Variants in CCDC191 observed in about 807,000 individuals in gnomAD.
CCDC191 encodes coiled-coil domain-containing protein 191.
In CCDC191, 99 loss-of-function variants were observed where a neutral mutation model predicts 114.0. That is an observed-to-expected ratio of 0.87 (90% CI 0.74 to 1.03). The LOEUF (loss-of-function observed/expected upper bound fraction) is 1.03. Among genes scored for constraint, CCDC191 ranks in the 50% least tolerant of loss-of-function variants. The pLI, the probability that CCDC191 is intolerant of heterozygous loss-of-function variation, is 0.00. For synonymous variants in CCDC191, 351 were observed against 376.0 expected, an observed-to-expected ratio of 0.93 and a Z score of 0.77; for missense variants, 973 against 1,087.0, an observed-to-expected ratio of 0.90 and a Z score of 1.47.
chr3:113,964,921 C>A lies in CCDC191; in HGVS notation c.*234G>T, dbSNP rs1310096791. ...AATATATAGGATATATTTGAACAGA[C>A]GATCTCTAGAATGTTCCTTTGGATG... On this transcript the variant is annotated 3_prime_UTR_variant, in exon 17 of 17. Coordinates refer to ENST00000295878, the MANE Select transcript of CCDC191 (RefSeq NM_020817.2). 5.8e-6 allele frequency: 2 copies of A among 343,632 alleles called. No homozygotes were observed. The highest frequency in any genetic ancestry group is 9.0e-5 in the East Asian group (2 of 22,292). The allele number at this position is 343,632 out of a possible 1,614,324, so 21.3% of individuals were successfully genotyped here. A position where few individuals can be genotyped will look rare whatever the true frequency, so the allele number is the denominator to read the frequency against.
intron 7 of CCDC191, among the ~76,000 whole-genome samples, chr3:114,024,149 A>G (rs1328037193): frequency 2.6e-5 from 4 of 152,204 alleles, no homozygotes; most frequent in Admixed American, 6.5e-5. Flanking sequence ...ACCACAATGA[A>G]GTACCATCTC....
intron 13 of CCDC191, among the ~76,000 whole-genome samples, chr3:113,997,793 T>C (rs2075762699): frequency 6.6e-6 from 1 of 152,234 alleles, no homozygotes; most frequent in Non-Finnish European, 1.5e-5. Context: ...TATGAGGTTA[T>C]AATGGAGCTG....
chr3:114,023,603 G>A (rs2076275288), intron 7 of CCDC191, among the ~76,000 whole-genome samples: 2 of 152,174 alleles, frequency 1.3e-5, no homozygotes, highest in South Asian at 4.1e-4. Context: ...CAAGCAATGG[G>A]GAAAGGATTC....
At chr3:114,015,457 A>G (rs12487862) in intron 8 of CCDC191, among the ~76,000 whole-genome samples, 17,332 of 152,236 alleles carry the variant, frequency 0.11, 1,199 homozygotes, top group Admixed American at 0.19. Context: ...ATTCACTTAC[A>G]TGAGTAAGTT....
At chr3:114,007,950 A>C (rs1417310047) in intron 9 of CCDC191, among the ~76,000 whole-genome samples, 1 of 150,800 alleles carries the variant, frequency 6.6e-6, no homozygotes, top group Non-Finnish European at 1.5e-5. Flanking sequence ...ATTTTTAACA[A>C]TACTGTCCTT....
At chr3:114,002,426 T>C (rs766807377) in intron 12 of CCDC191, 30 bp downstream of exon 12, 1 of 1,481,134 alleles carries the variant, frequency 6.8e-7, no homozygotes, top group African/African-American at 1.4e-5. Context: ...TCCTTCTTTT[T>C]TGACTCAGTT....
intron 13 of CCDC191, among the ~76,000 whole-genome samples, chr3:113,992,937 C>T (rs1217068661): frequency 6.6e-6 from 1 of 152,120 alleles, no homozygotes; most frequent in Non-Finnish European, 1.5e-5. Context: ...TTCAAGAGCA[C>T]ATTCAAAGGA....
chr3:114,034,416 T>C (rs1409310105), intron 6 of CCDC191, among the ~76,000 whole-genome samples: 2 of 152,184 alleles, frequency 1.3e-5, no homozygotes, highest in Non-Finnish European at 2.9e-5. Flanking sequence ...ACAACCCATT[T>C]TGAAAGCAAT....
chr3:113,995,404 T>C (rs1231351267), intron 13 of CCDC191, among the ~76,000 whole-genome samples: 1 of 152,156 alleles, frequency 6.6e-6, no homozygotes, highest in African/African-American at 2.4e-5. Context: ...CATAGCACTG[T>C]ACATTACCAA....
chr3:114,056,200 G>A (rs2076776520), intron 1 of CCDC191, among the ~76,000 whole-genome samples, 177 bp downstream of exon 1: 1 of 152,086 alleles, frequency 6.6e-6, no homozygotes, highest in Non-Finnish European at 1.5e-5. Context: ...AATGTGCCCA[G>A]ACCCCAGAGC....
intron 8 of CCDC191, among the ~76,000 whole-genome samples, chr3:114,013,106 C>T (rs767638602): frequency 4.6e-5 from 7 of 151,712 alleles, no homozygotes; most frequent in Non-Finnish European, 8.8e-5. Context: ...ATTAGCTGGG[C>T]GTGGTGGTGA....
At chr3:113,978,822 GAGATGTATTTA>G (rs771444874) in intron 15 of CCDC191, 25 bp downstream of exon 15, 3 of 1,588,018 alleles carry the variant, frequency 1.9e-6, no homozygotes, top group Non-Finnish European at 1.7e-6. Flanking sequence ...ATTGAGCAAT[GAGATGTATTTA>G]AGGTACCCTT....
At chr3:113,990,750 C>A (rs1398288648) in intron 13 of CCDC191, among the ~76,000 whole-genome samples, 1 of 151,514 alleles carries the variant, frequency 6.6e-6, no homozygotes, top group Non-Finnish European at 1.5e-5. Flanking sequence ...ATACTTCCCC[C>A]ATTTTATGAG....
intron 7 of CCDC191, among the ~76,000 whole-genome samples, chr3:114,027,836 T>C (rs1473032442): frequency 6.6e-6 from 1 of 152,148 alleles, no homozygotes; most frequent in East Asian, 1.9e-4. Context: ...CATTTTCCTG[T>C]TTTCATCCTG....
intron 14 of CCDC191, 75 bp downstream of exon 14, chr3:113,980,575 C>G: frequency 7.3e-7 from 1 of 1,375,568 alleles, no homozygotes; most frequent in South Asian, 1.6e-5. Context: ...TACCCTCCCC[C>G]AAGCTTAACT....
chr3:113,983,352 ACC>A, intron 13 of CCDC191, among the ~76,000 whole-genome samples: 1 of 152,108 alleles, frequency 6.6e-6, no homozygotes, highest in African/African-American at 2.4e-5. Context: ...CTACTTCCAG[ACC>A]ATTATAAACA....
intron 6 of CCDC191, among the ~76,000 whole-genome samples, chr3:114,032,186 T>C (rs2076415640): frequency 6.6e-6 from 1 of 152,130 alleles, no homozygotes; most frequent in African/African-American, 2.4e-5. Context: ...AGGCCTCTTA[T>C]AAGGTTACTA....
At chr3:114,040,857 G>A (rs1482509419) in intron 4 of CCDC191, among the ~76,000 whole-genome samples, 1 of 152,028 alleles carries the variant, frequency 6.6e-6, no homozygotes, top group African/African-American at 2.4e-5. Context: ...CCTTTATCAA[G>A]TTGAAGAATT....
intron 1 of CCDC191, 55 bp from the exon 2 acceptor site, chr3:114,053,690 C>T: frequency 2.5e-6 from 3 of 1,207,832 alleles, no homozygotes; most frequent in East Asian, 2.4e-5. Flanking sequence ...ATCAACTTTG[C>T]CATTTAAATC....
Sources: allele counts gnomAD v4.1 joint callset (sites outside exome capture counted in the v4.1 genomes callset), GRCh38; gene constraint gnomAD v4.1.1; transcripts MANE v1.5; gene names NCBI Gene and HGNC (gene_info 2026-07-23, HGNC 2026-07-21).